The following UTP11 variants were observed in gnomAD, a reference collection of about 807,000 sequenced individuals.
UTP11 encodes UTP11 small subunit processome component.
A neutral mutation model predicts 39.0 loss-of-function variants in UTP11; 29 were observed. The ratio of observed to expected loss-of-function variants is 0.74; its 90% CI spans 0.55 to 1.01. UTP11 has a LOEUF of 1.01. Ranked by LOEUF, UTP11 falls within the 50% of genes least tolerant of loss-of-function variation. The probability of loss-of-function intolerance (pLI) is 0.00; values close to 1 mark genes in which losing one functional copy is unlikely to be tolerated. For synonymous variants in UTP11, 111 were observed against 105.0 expected (o/e 1.06, Z -0.35); for missense variants, 281 against 306.0 (o/e 0.92, Z 0.61).
intron 6 of UTP11, among the ~76,000 whole-genome samples, chr1:38,022,089 C>A (rs997187146): frequency 4.6e-5 from 7 of 152,128 alleles, no homozygotes; most frequent in Non-Finnish European, 8.8e-5. Context: ...TGCCTGGGGA[C>A]CCTTCTGTTG....
chr1:38,018,637 A>C, intron 4 of UTP11, 60 bp downstream of exon 4: 1 of 1,245,956 alleles, frequency 8.0e-7, no homozygotes, highest in Non-Finnish European at 1.1e-6. Context: ...TAAATTCATC[A>C]ATCTCAAGTT....
At chr1:38,021,450 G>T (rs12068742) in intron 6 of UTP11, among the ~76,000 whole-genome samples, 4,938 of 152,236 alleles carry the variant, frequency 0.032, 252 homozygotes, top group African/African-American at 0.11. Flanking sequence ...GGATTGCAAG[G>T]ATATTTTGTC....
At chr1:38,016,663 A>G (rs1646708539) in intron 2 of UTP11, 2 of 439,538 alleles carry the variant, frequency 4.6e-6, no homozygotes, top group Admixed American at 7.3e-5. Context: ...GTTCCAGATC[A>G]TTTTCTCATA....
intron 6 of UTP11, among the ~76,000 whole-genome samples, chr1:38,019,965 C>G (rs1041955834): frequency 1.3e-5 from 2 of 152,108 alleles, no homozygotes; most frequent in Admixed American, 6.6e-5. Flanking sequence ...AATTCTGACC[C>G]TGCGCTTTGT....
At chr1:38,016,663 A>C in intron 2 of UTP11, 1 of 439,538 alleles carries the variant, frequency 2.3e-6, no homozygotes, top group Non-Finnish European at 4.2e-6. Flanking sequence ...GTTCCAGATC[A>C]TTTTCTCATA....
intron 3 of UTP11, 96 bp downstream of exon 3, chr1:38,017,866 T>A: frequency 9.0e-7 from 1 of 1,114,294 alleles, no homozygotes; most frequent in East Asian, 2.5e-5. Context: ...GGCCTTAATT[T>A]AACCCTTCTC....
intron 7 of UTP11, 24 bp downstream of exon 7, chr1:38,022,833 T>C: frequency 2.1e-6 from 3 of 1,435,242 alleles, no homozygotes; most frequent in Non-Finnish European, 2.9e-6. Flanking sequence ...GCCTTAGGCC[T>C]CTTTTTTTTT....
In UTP11 at chr1:38,022,825, C is replaced by T. The variant is rs748194584; in HGVS notation, c.678+16C>T. The T allele has an allele frequency of 6.6e-7, 1 of 1,524,188 alleles. No homozygotes were observed. The highest frequency in any genetic ancestry group is 2.0e-5 in the Admixed American group (1 of 50,300). 94.4% of individuals were successfully genotyped at this position (1,524,188 alleles called of 1,614,324 possible). A position where few individuals can be genotyped will look rare whatever the true frequency, so the allele number is the denominator to read the frequency against. The stretch of plus-strand genomic sequence containing the variant: ...AGATCTTATGGTGAGGAGAGAGAGC[C>T]TTAGGCCTCTTTTTTTTTTTTTCCC... On this transcript the variant is annotated intron_variant, in intron 7 of 7. Coordinates refer to ENST00000373014, the MANE Select transcript of UTP11 (RefSeq NM_016037.4).
At chr1:38,023,199 T>C (rs551976112) in intron 7 of UTP11, among the ~76,000 whole-genome samples, 13 of 152,260 alleles carry the variant, frequency 8.5e-5, no homozygotes, top group Admixed American at 7.8e-4. Flanking sequence ...CTCTTTCATA[T>C]TCTTATCATT....
chr1:38,019,744 A>G (rs1241614310), intron 6 of UTP11, among the ~76,000 whole-genome samples: 1 of 152,094 alleles, frequency 6.6e-6, no homozygotes, highest in Non-Finnish European at 1.5e-5. Flanking sequence ...TTGGCCTCCC[A>G]AAGTGTCGGG....
At chr1:38,018,654 T>G in intron 4 of UTP11, 77 bp downstream of exon 4, 3 of 1,101,988 alleles carry the variant, frequency 2.7e-6, no homozygotes, top group Admixed American at 2.2e-5. Flanking sequence ...AGTTATTCAT[T>G]AATTTCTTCT....
intron 3 of UTP11, 36 bp downstream of exon 3, chr1:38,017,806 C>G: frequency 6.6e-7 from 1 of 1,521,548 alleles, no homozygotes; most frequent in South Asian, 1.2e-5. Context: ...GTTTTGAGCT[C>G]CACACATTGG....
chr1:38,019,187 C>T, intron 5 of UTP11, 35 bp downstream of exon 5: 1 of 1,613,522 alleles, frequency 6.2e-7, no homozygotes, highest in Non-Finnish European at 8.5e-7. Context: ...GGACAGTCTA[C>T]CATGCCAGTC....
At chr1:38,021,617 G>C (rs1183958837) in intron 6 of UTP11, among the ~76,000 whole-genome samples, 1 of 152,198 alleles carries the variant, frequency 6.6e-6, no homozygotes, top group Non-Finnish European at 1.5e-5. Context: ...CCCATGCTGG[G>C]CGTGGTGGCT....
At chr1:38,012,921 C>G in intron 1 of UTP11, 56 bp downstream of exon 1, 2 of 1,608,298 alleles carry the variant, frequency 1.2e-6, no homozygotes, top group Non-Finnish European at 1.7e-6. Context: ...GTTACCCTTG[C>G]CCCAACCCTG....
chr1:38,015,178 A>G (rs1646701296), intron 1 of UTP11, among the ~76,000 whole-genome samples: 1 of 152,100 alleles, frequency 6.6e-6, no homozygotes, highest in Non-Finnish European at 1.5e-5. Flanking sequence ...ACCTGCCATC[A>G]TGCCCGGCTA....
At chr1:38,015,958 A>G (rs1029884543) in intron 1 of UTP11, among the ~76,000 whole-genome samples, 3 of 152,324 alleles carry the variant, frequency 2.0e-5, no homozygotes, top group Middle Eastern at 3.4e-3. Context: ...TTGAACCCAC[A>G]TCTCCAGACT....
At chr1:38,023,290 T>C (rs982182297) in intron 7 of UTP11, among the ~76,000 whole-genome samples, 1 of 152,190 alleles carries the variant, frequency 6.6e-6, no homozygotes, top group Non-Finnish European at 1.5e-5. Context: ...AGAATTAAAA[T>C]TATAATTTTA....
chr1:38,014,491 AT>A (rs1338866948), intron 1 of UTP11, among the ~76,000 whole-genome samples: 3 of 152,186 alleles, frequency 2.0e-5, no homozygotes, highest in Non-Finnish European at 4.4e-5. Context: ...TTGTAATGCG[AT>A]TGTACATTCA....
Sources: allele counts gnomAD v4.1 joint callset (sites outside exome capture counted in the v4.1 genomes callset), GRCh38; gene constraint gnomAD v4.1.1; transcripts MANE v1.5; gene names NCBI Gene and HGNC (gene_info 2026-07-23, HGNC 2026-07-21).